Variants in SATB2 observed in about 807,000 individuals in gnomAD.
The protein encoded by SATB2 is SATB homeobox 2, also known as DNA-binding protein SATB2.
In SATB2, 1 loss-of-function variant was observed where a neutral mutation model predicts 73.4. The ratio of observed to expected loss-of-function variants is 0.01; its 90% confidence interval spans 0.00 to 0.06. The LOEUF (loss-of-function observed/expected upper bound fraction) is 0.06. SATB2 is among the 10% of genes least tolerant of loss of function. SATB2 has a pLI of 1.00. For missense variants in SATB2, 459 were observed against 945.8 expected (o/e 0.49, Z 6.75); for synonymous variants, 397 against 367.0 (o/e 1.08, Z -0.93).
intron 5 of SATB2, chr2:199,368,985 T>C (rs1689366728): frequency 9.9e-6 from 3 of 303,128 alleles, no homozygotes; most frequent in Non-Finnish European, 1.9e-5. Context: ...GGAAGAACAG[T>C]TGTGATTTAG....
upstream of SATB2, chr2:199,469,513 A>C (rs1187423117): frequency 6.6e-6 from 1 of 151,676 alleles, no homozygotes. Flanking sequence ...TCAACCAAAA[A>C]AGAAAAGAAG....
chr2:199,380,287 A>T, intron 5 of SATB2, 77 bp downstream of exon 5: 1 of 1,557,196 alleles, frequency 6.4e-7, no homozygotes, highest in Non-Finnish European at 8.9e-7. Context: ...ACAGTTGTTT[A>T]AGCAGAAGGA....
At chr2:199,306,854 A>C (rs1687447295) in intron 10 of SATB2, among the ~76,000 whole-genome samples, 1 of 152,196 alleles carries the variant, frequency 6.6e-6, no homozygotes, top group Non-Finnish European at 1.5e-5. Context: ...CAAACAATGC[A>C]TTTTATTACA....
chr2:199,409,159 T>C (rs1280439649), intron 3 of SATB2, among the ~76,000 whole-genome samples: 5 of 143,298 alleles, frequency 3.5e-5, no homozygotes, highest in Admixed American at 7.2e-5. Context: ...CATTTTCTTT[T>C]TTCTTTTCTT....
intron 6 of SATB2, among the ~76,000 whole-genome samples, chr2:199,351,157 C>A (rs968699140): frequency 3.4e-5 from 5 of 146,104 alleles, no homozygotes; most frequent in African/African-American, 1.3e-4. Flanking sequence ...ACAATGTTTG[C>A]TTGCTTTTTT....
At chr2:199,290,484 A>C (rs1263793169) in intron 10 of SATB2, among the ~76,000 whole-genome samples, 1 of 152,190 alleles carries the variant, frequency 6.6e-6, no homozygotes, top group African/African-American at 2.4e-5. Flanking sequence ...AATTTAGAAC[A>C]CATCTAATAG....
chr2:199,350,522 A>G (rs975940647), intron 6 of SATB2, among the ~76,000 whole-genome samples: 2 of 152,318 alleles, frequency 1.3e-5, no homozygotes, highest in East Asian at 3.9e-4. Flanking sequence ...AGTATTTCTA[A>G]ATTAATACTT....
At chr2:199,328,361 T>TG (rs1292024879) in intron 8 of SATB2, among the ~76,000 whole-genome samples, 4 of 151,940 alleles carry the variant, frequency 2.6e-5, no homozygotes, top group Admixed American at 6.6e-5. Context: ...GCCAACATGG[T>TG]GAAACCCCAT....
chr2:199,285,711 AGG>A, intron 10 of SATB2, among the ~76,000 whole-genome samples: 1 of 151,752 alleles, frequency 6.6e-6, no homozygotes, highest in African/African-American at 2.4e-5. Flanking sequence ...ATACAGCTAT[AGG>A]AGAGGGATTT....
At chr2:199,424,451 T>C (rs972670574) in intron 3 of SATB2, among the ~76,000 whole-genome samples, 1 of 152,180 alleles carries the variant, frequency 6.6e-6, no homozygotes, top group Admixed American at 6.5e-5. Context: ...CCCACTTATA[T>C]GCTAAGCTAT....
chr2:199,337,326 T>A (rs1362096334), intron 7 of SATB2, among the ~76,000 whole-genome samples: 1 of 152,228 alleles, frequency 6.6e-6, no homozygotes, highest in Non-Finnish European at 1.5e-5. Context: ...CAACTTTCTT[T>A]CTCTAAGTAA....
At chr2:199,402,229 A>G (rs1690503213) in intron 3 of SATB2, among the ~76,000 whole-genome samples, 1 of 152,146 alleles carries the variant, frequency 6.6e-6, no homozygotes, top group Non-Finnish European at 1.5e-5. Context: ...TACTAAAAAT[A>G]CAAAAATTAG....
chr2:199,370,489 T>C (rs1475758127), intron 5 of SATB2, among the ~76,000 whole-genome samples: 2 of 152,208 alleles, frequency 1.3e-5, no homozygotes, highest in Non-Finnish European at 1.5e-5. Flanking sequence ...ATTTATCCTC[T>C]GGAAAGGCAC....
chr2:199,374,285 C>A (rs552755405), intron 5 of SATB2, among the ~76,000 whole-genome samples: 1 of 152,124 alleles, frequency 6.6e-6, no homozygotes, highest in Non-Finnish European at 1.5e-5. Context: ...CATGTCTACA[C>A]GCTAAGTAAA....
chr2:199,362,686 C>G (rs1335700814), intron 6 of SATB2, among the ~76,000 whole-genome samples: 1 of 152,060 alleles, frequency 6.6e-6, no homozygotes, highest in Admixed American at 6.6e-5. Context: ...CCCTTAGAAT[C>G]CTGCCAGGTA....
At chr2:199,416,777 C>T (rs546525040) in intron 3 of SATB2, among the ~76,000 whole-genome samples, 131 of 152,248 alleles carry the variant, frequency 8.6e-4, no homozygotes, top group African/African-American at 3.0e-3. Flanking sequence ...TGACTCACAC[C>T]TGTAATCCCA....
chr2:199,310,248 A>T (rs547914624), intron 9 of SATB2, among the ~76,000 whole-genome samples: 20 of 152,340 alleles, frequency 1.3e-4, no homozygotes, highest in Non-Finnish European at 2.6e-4. Context: ...AATCTGTAAC[A>T]CAACACTGCC....
chr2:199,328,854 A>G lies in SATB2; in HGVS notation c.1230T>C (p.Ser410=). ...KEEDPRTASQ[S]LLVNLRAMQN... ...GCATGGCCCTCAGGTTTACTAGAAG[A>G]GACTGAGAGGCTGTCCGAGGGTCTT... The change falls in exon 8 of 11, where the codon TCT becomes TCC. Residue 410 remains serine (S), a synonymous_variant. Coordinates refer to ENST00000417098, the MANE Select transcript of SATB2 (RefSeq NM_001172509.2). 1 of 1,613,988 alleles carries G rather than the reference A, an allele frequency of 6.2e-7. No homozygotes were observed. The highest frequency in any genetic ancestry group is 8.5e-7 in the Non-Finnish European group (1 of 1,179,934).
chr2:199,385,258 C>T (rs911072595), intron 3 of SATB2, among the ~76,000 whole-genome samples: 1 of 152,158 alleles, frequency 6.6e-6, no homozygotes, highest in Non-Finnish European at 1.5e-5. Context: ...CATCAGCCTC[C>T]CAAGTAGTTG....
Sources: gnomAD v4.1 joint callset for allele counts (sites outside exome capture counted in the v4.1 genomes callset) on GRCh38, gnomAD v4.1.1 for gene constraint, MANE v1.5 for transcripts, NCBI Gene and HGNC (gene_info 2026-07-23, HGNC 2026-07-21) for gene names.